MAST4: variants seen among roughly 807,000 people sequenced by gnomAD.
The protein encoded by MAST4 is microtubule associated serine/threonine kinase family member 4.
MAST4 carries 89 observed loss-of-function variants against 162.7 expected under a neutral mutation model. The ratio of observed to expected loss-of-function variants is 0.55; its 90% CI spans 0.46 to 0.65. The LOEUF (loss-of-function observed/expected upper bound fraction) is 0.65. MAST4 is among the 30% of genes least tolerant of loss of function. The pLI is 0.00. For missense variants in MAST4, 3,153 were observed against 3,374.0 expected, an observed-to-expected ratio of 0.93 and a Z score of 1.62; for synonymous variants, 1,479 against 1,361.1, an observed-to-expected ratio of 1.09 and a Z score of -1.91.
chr5:67,148,245 T>C (rs886564299), intron 23 of MAST4, among the ~76,000 whole-genome samples: 4 of 152,202 alleles, frequency 2.6e-5, no homozygotes, highest in Non-Finnish European at 4.4e-5. Flanking sequence ...TTTAAGCACA[T>C]GGGGCTTATA....
intron 3 of MAST4, among the ~76,000 whole-genome samples, chr5:66,877,137 A>G (rs1761356217): frequency 6.6e-6 from 1 of 152,158 alleles, no homozygotes; most frequent in Non-Finnish European, 1.5e-5. Flanking sequence ...ATTGAGGAGG[A>G]GGAGTCAGCC....
At chr5:66,806,206 A>G (rs1446658044) in intron 3 of MAST4, among the ~76,000 whole-genome samples, 1 of 152,154 alleles carries the variant, frequency 6.6e-6, no homozygotes, top group Non-Finnish European at 1.5e-5. Flanking sequence ...CATCAGGAAT[A>G]ATTCCCCTCA....
At position 67,145,384 on chromosome 5, in the gene MAST4, G is replaced by A; in HGVS notation, c.3094+5G>A. 5 of 1,611,422 alleles carry A rather than the reference G, an allele frequency of 3.1e-6. No homozygotes were observed. The highest frequency in any genetic ancestry group is 4.2e-6 in the Non-Finnish European group (5 of 1,179,158). On this transcript the variant is annotated splice_donor_5th_base_variant and intron_variant, in intron 23 of 28. Coordinates refer to ENST00000403625, the MANE Select transcript of MAST4 (RefSeq NM_001164664.2). Reference sequence around the variant, plus strand: ...TCAGCAGCTCCACCCTGTCAGGTAAGCCCCGGGCCATAGTGCCTGCTGTCC... The same window carrying A: ...TCAGCAGCTCCACCCTGTCAGGTAAACCCCGGGCCATAGTGCCTGCTGTCC...
At chr5:67,121,448 C>CTT (rs34331954) in intron 14 of MAST4, among the ~76,000 whole-genome samples, 59,010 of 150,234 alleles carry the variant, frequency 0.39, 14,304 homozygotes, top group African/African-American at 0.7. Flanking sequence ...TAAATACTAT[C>CTT]ATATATAATC....
rs1313085255 is a variant in MAST4 at position 66,596,462 on chromosome 5, G to A, written c.-194G>A. On this transcript the variant is annotated 5_prime_UTR_variant, in exon 1 of 29. Coordinates refer to ENST00000403625, the MANE Select transcript of MAST4 (RefSeq NM_001164664.2). ...CGCGGGAGCCTCCGTTTGCGGCCGG[G>A]CCCGGGCGGCTGTGAACTTAGCAGC... 6.4e-6 allele frequency: 4 copies of A among 621,102 alleles called. No homozygotes were observed. Among genetic ancestry groups the A allele is most frequent in the Non-Finnish European group, 9.3e-6 (4 of 429,234 alleles). The allele number at this position is 621,102 out of a possible 1,614,324, so 38.5% of individuals were successfully genotyped here.
At chr5:66,644,442 G>C (rs1745690795) in intron 1 of MAST4, among the ~76,000 whole-genome samples, 1 of 152,162 alleles carries the variant, frequency 6.6e-6, no homozygotes, top group Admixed American at 6.5e-5. Context: ...TTTTTCTCTA[G>C]TTGCTTTGTT....
At chr5:66,781,984 G>T (rs1174969358) in intron 2 of MAST4, among the ~76,000 whole-genome samples, 2 of 152,242 alleles carry the variant, frequency 1.3e-5, no homozygotes, top group Non-Finnish European at 2.9e-5. Flanking sequence ...GCTTCGGGGT[G>T]CTTTGAAAGC....
At chr5:67,078,859 TATAAA>T (rs1431753719) in intron 5 of MAST4, among the ~76,000 whole-genome samples, 72 of 117,756 alleles carry the variant, frequency 6.1e-4, no homozygotes, top group Non-Finnish European at 1.0e-3. Context: ...TATATATTTA[TATAAA>T]TATATATTTA....
Position 66,596,832 on chromosome 5 carries a change from A to G in MAST4, c.177A>G (p.Arg59=). Residue 59 remains arginine (R), a synonymous_variant, in exon 1 of 29, where the codon AGA becomes AGG. Coordinates refer to ENST00000403625, the MANE Select transcript of MAST4 (RefSeq NM_001164664.2). ...AAGGGGAGCCCGGCGGCTTCTCCAGAGAGCATCAGCCGCCGCCGCCGCCGC... is the reference window on the plus strand; with the variant it reads ...AAGGGGAGCCCGGCGGCTTCTCCAGGGAGCATCAGCCGCCGCCGCCGCCGC... ...SEEGEPGGFS[R]EHQPPPPPPL... The G allele has an allele frequency of 1.5e-6, 2 of 1,304,472 alleles. No individual in the cohort carries two copies. The highest frequency in any genetic ancestry group is 1.9e-6 in the Non-Finnish European group (2 of 1,025,764). 80.8% of individuals were successfully genotyped at this position (1,304,472 alleles called of 1,614,324 possible).
intron 2 of MAST4, among the ~76,000 whole-genome samples, chr5:66,764,887 A>G (rs1199445945): frequency 1.3e-5 from 2 of 152,200 alleles, no homozygotes; most frequent in Non-Finnish European, 2.9e-5. Context: ...GTGATGTCCT[A>G]GGTCTTCACA....
At chr5:67,046,805 TTTTG>T (rs2150516101) in intron 4 of MAST4, among the ~76,000 whole-genome samples, 1 of 152,354 alleles carries the variant, frequency 6.6e-6, no homozygotes, top group South Asian at 2.1e-4. Context: ...CTAAATTTTT[TTTTG>T]TTCATAGGTG....
intron 3 of MAST4, among the ~76,000 whole-genome samples, chr5:66,805,212 T>A (rs1180485455): frequency 2.0e-5 from 3 of 152,254 alleles, no homozygotes; most frequent in Non-Finnish European, 4.4e-5. Flanking sequence ...TAGCCAGTTA[T>A]TCCAGCAGTA....
chr5:66,750,700 G>A (rs558903471), intron 1 of MAST4, among the ~76,000 whole-genome samples: 180 of 152,324 alleles, frequency 1.2e-3, no homozygotes, highest in African/African-American at 4.2e-3. Flanking sequence ...AAACTGCAAG[G>A]CGGTAGCGAG....
chr5:67,066,891 G>C (rs553897717), intron 5 of MAST4, among the ~76,000 whole-genome samples: 5 of 152,262 alleles, frequency 3.3e-5, no homozygotes, highest in African/African-American at 1.2e-4. Context: ...CATTTAATAA[G>C]CATCAAGAAT....
At chr5:66,917,317 A>G (rs1381816733) in intron 4 of MAST4, 1 of 335,236 alleles carries the variant, frequency 3.0e-6, no homozygotes, top group Non-Finnish European at 5.5e-6. Context: ...AGTTTCTACA[A>G]ACTATTATGT....
In MAST4 at chr5:67,163,264, G is replaced by A. The variant is rs755722467; in HGVS notation, c.4085G>A (p.Arg1362Gln). Reference protein sequence around the residue: ...HGLAPKLGGQRYRSGRRKSAG... With the variant: ...HGLAPKLGGQQYRSGRRKSAG... ...CTTGCACCCAAACTCGGCGGGCAGC[G>A]GTACCGGTCCGGAAGGCGAAAGTCC... Residue 1362 changes from arginine to glutamine, a missense_variant, in exon 29 of 29, where the codon CGG (arginine) becomes CAG (glutamine). Around this residue, in one of 7 missense-constraint regions of MAST4, gnomAD observed 619 missense variants for 744.2 expected, o/e 0.83. Transcript: ENST00000403625. The surrounding 1 kb of genome is among the most constrained non-coding windows in gnomAD (Gnocchi z 7.0). 12 of 1,613,468 alleles carry A rather than the reference G, an allele frequency of 7.4e-6. No homozygotes were observed. Among genetic ancestry groups the A allele is most frequent in the Non-Finnish European group, 9.3e-6 (11 of 1,179,864 alleles).
intron 6 of MAST4, among the ~76,000 whole-genome samples, chr5:67,093,987 T>C (rs908965692): frequency 3.9e-5 from 6 of 152,218 alleles, no homozygotes; most frequent in African/African-American, 1.4e-4. Context: ...TGTAAGCATG[T>C]TATTACAATT....
chr5:66,920,473 CTT>C (rs1764458914), intron 4 of MAST4, among the ~76,000 whole-genome samples: 1 of 152,074 alleles, frequency 6.6e-6, no homozygotes, highest in African/African-American at 2.4e-5. Flanking sequence ...AAGATTAACA[CTT>C]GTTTCTTTTA....
At chr5:66,969,239 C>T (rs1004524289) in intron 4 of MAST4, among the ~76,000 whole-genome samples, 1 of 152,138 alleles carries the variant, frequency 6.6e-6, no homozygotes, top group African/African-American at 2.4e-5. Context: ...TAGACCCCAC[C>T]TAGCTGGCTT....
Sources: allele counts gnomAD v4.1 joint callset (sites outside exome capture counted in the v4.1 genomes callset), GRCh38; gene constraint gnomAD v4.1.1; regional missense constraint gnomAD v4.1.1; non-coding constraint Gnocchi (gnomAD v3.1); transcripts MANE v1.5; gene names NCBI Gene and HGNC (gene_info 2026-07-23, HGNC 2026-07-21).